Variants in UST observed in about 807,000 individuals in gnomAD.
UST encodes the protein chondroitin sulfate 2-O-sulfotransferase.
UST carries 21 observed loss-of-function variants against 45.6 expected under a neutral mutation model. The ratio of observed to expected loss-of-function variants is 0.46; its 90% CI spans 0.33 to 0.66. UST has a LOEUF of 0.66. Ranked by LOEUF, UST falls within the 30% of genes least tolerant of loss-of-function variation. The pLI is 0.02. For synonymous variants in UST, 215 were observed against 200.6 expected, an observed-to-expected ratio of 1.07 and a Z score of -0.61; for missense variants, 463 against 512.4, an observed-to-expected ratio of 0.90 and a Z score of 0.93.
At chr6:148,805,589 G>A (rs867826874) in intron 1 of UST, among the ~76,000 whole-genome samples, 6 of 152,320 alleles carry the variant, frequency 3.9e-5, no homozygotes, top group African/African-American at 1.4e-4. Flanking sequence ...TCTGGAATAA[G>A]TTTCCCAGAA....
Position 148,775,924 on chromosome 6 carries a change from G to A in UST, c.247+28247G>A, listed in dbSNP as rs143263430. On this transcript the variant is annotated intron_variant, in intron 1 of 7. Transcript: ENST00000367463. ...TGGGATTACGGGTGTGAGCCACTGC[G>A]CCCGGCCTGGTAAAATATGAATTTT... 5.4e-3 allele frequency among the ~76,000 whole-genome samples: 827 copies of A among 152,134 alleles called. 9 individuals carry two copies. Among genetic ancestry groups the A allele is most frequent in the African/African-American group, 0.019 (788 of 41,490 alleles).
At chr6:148,834,346 T>C (rs1777746367) in intron 1 of UST, among the ~76,000 whole-genome samples, 1 of 152,210 alleles carries the variant, frequency 6.6e-6, no homozygotes, top group Non-Finnish European at 1.5e-5. Context: ...TTTTTCTAGG[T>C]GAAAGTAAAT....
In UST at chr6:148,929,030, A is replaced by G. The variant is rs545644896; in HGVS notation, c.292-12249A>G. Among the ~76,000 whole-genome samples the G allele has an allele frequency of 1.3e-3, 195 of 152,364 alleles. 1 individual carries two copies. The Middle Eastern group carries it at 0.017, about 13-fold the overall frequency. ...GGACACAGCCATGGATCCTTCGCAC[A>G]TGTTGAGAATGTCCTTGGTGTTTGC... On this transcript the variant is annotated intron_variant, in intron 2 of 7. Transcript: ENST00000367463.
chr6:148,863,801 G>A (rs1216681393), intron 1 of UST, among the ~76,000 whole-genome samples: 3 of 152,268 alleles, frequency 2.0e-5, no homozygotes, highest in South Asian at 2.1e-4. Flanking sequence ...TATCACCATC[G>A]GAGGCTGCAG....
chr6:148,856,407 T>A (rs1778206142), intron 1 of UST, among the ~76,000 whole-genome samples: 1 of 152,184 alleles, frequency 6.6e-6, no homozygotes, highest in African/African-American at 2.4e-5. Flanking sequence ...CAGAGCCACA[T>A]CCATCAGCAT....
chr6:148,832,020 ATCTC>A (rs1213620102), intron 1 of UST, among the ~76,000 whole-genome samples: 1 of 152,012 alleles, frequency 6.6e-6, no homozygotes, highest in African/African-American at 2.4e-5. Context: ...ATTTGAGACA[ATCTC>A]TCTCTATTGC....
At chr6:149,045,630 C>A (rs995687768) in intron 7 of UST, among the ~76,000 whole-genome samples, 1 of 152,052 alleles carries the variant, frequency 6.6e-6, no homozygotes, top group Non-Finnish European at 1.5e-5. Context: ...CCAGGAAGCC[C>A]CAAATGATTC....
chr6:148,953,570 C>A (rs890278010), intron 3 of UST, among the ~76,000 whole-genome samples: 2 of 152,036 alleles, frequency 1.3e-5, no homozygotes, highest in Non-Finnish European at 2.9e-5. Flanking sequence ...ATCACGAGGT[C>A]AGAAGTTCGA....
chr6:149,023,696 C>T (rs2500549), intron 7 of UST, among the ~76,000 whole-genome samples: 34,942 of 152,070 alleles, frequency 0.23, 4,143 homozygotes, highest in South Asian at 0.37. Context: ...AAACCCAGCA[C>T]AGGGGTTGTG....
chr6:149,020,517 A>G (rs1188607447), intron 6 of UST, among the ~76,000 whole-genome samples: 1 of 152,216 alleles, frequency 6.6e-6, no homozygotes, highest in Non-Finnish European at 1.5e-5. Flanking sequence ...GAGGTGACTC[A>G]TGACACCACA....
chr6:148,895,146 C>T (rs1428070520), intron 2 of UST, among the ~76,000 whole-genome samples: 1 of 151,970 alleles, frequency 6.6e-6, no homozygotes, highest in Non-Finnish European at 1.5e-5. Flanking sequence ...TTTTTTCCAA[C>T]CTTCCATACC....
At chr6:148,750,190 A>G (rs935671956) in intron 1 of UST, among the ~76,000 whole-genome samples, 1 of 152,226 alleles carries the variant, frequency 6.6e-6, no homozygotes, top group Non-Finnish European at 1.5e-5. Context: ...TATATCAAAC[A>G]CTTTTCTTTA....
intron 1 of UST, among the ~76,000 whole-genome samples, chr6:148,861,263 A>T (rs901419390): frequency 6.6e-6 from 1 of 152,136 alleles, no homozygotes; most frequent in African/African-American, 2.4e-5. Flanking sequence ...CATTTCTTCT[A>T]GATTTTCTAG....
intron 5 of UST, among the ~76,000 whole-genome samples, chr6:148,977,217 T>G (rs1781031786): frequency 6.6e-6 from 1 of 151,878 alleles, no homozygotes; most frequent in African/African-American, 2.4e-5. Flanking sequence ...ATGTGTATCT[T>G]TATATACAGA....
chr6:148,852,154 G>A (rs1778119832), intron 1 of UST, among the ~76,000 whole-genome samples: 1 of 152,226 alleles, frequency 6.6e-6, no homozygotes, highest in Non-Finnish European at 1.5e-5. Context: ...ACTGATGCCA[G>A]TGTTGTCATT....
At chr6:148,841,935 A>C (rs1244972822) in intron 1 of UST, among the ~76,000 whole-genome samples, 8 of 152,144 alleles carry the variant, frequency 5.3e-5, no homozygotes, top group Non-Finnish European at 1.0e-4. Context: ...GAGAAACCCC[A>C]TCTCTCCTAG....
intron 1 of UST, among the ~76,000 whole-genome samples, chr6:148,800,608 G>A (rs541636858): frequency 1.1e-4 from 17 of 151,950 alleles, no homozygotes; most frequent in Middle Eastern, 3.4e-3. Context: ...TTAGATTTTT[G>A]CAAGGTATAT....
intron 1 of UST, among the ~76,000 whole-genome samples, chr6:148,860,542 A>G (rs1778291368): frequency 6.6e-6 from 1 of 152,112 alleles, no homozygotes; most frequent in Non-Finnish European, 1.5e-5. Context: ...GTTGAACAGG[A>G]GTGGTGAGAG....
intron 2 of UST, among the ~76,000 whole-genome samples, chr6:148,926,760 T>G (rs774460047): frequency 2.0e-5 from 3 of 152,198 alleles, no homozygotes; most frequent in Non-Finnish European, 4.4e-5. Flanking sequence ...ACTCCATCAC[T>G]CTATCACTCC....
Sources: allele counts gnomAD v4.1 joint callset (sites outside exome capture counted in the v4.1 genomes callset), GRCh38; gene constraint gnomAD v4.1.1; transcripts MANE v1.5; gene names NCBI Gene and HGNC (gene_info 2026-07-23, HGNC 2026-07-21).